The following INPP5F variants were observed in gnomAD, a reference collection of about 807,000 sequenced individuals.
INPP5F encodes phosphatidylinositide 4-phosphatase SAC2.
In INPP5F, 97 loss-of-function variants were observed where a neutral mutation model predicts 137.2. That is an observed-to-expected ratio of 0.71 (90% confidence interval 0.60 to 0.84). The LOEUF is 0.84. INPP5F is among the 40% of genes least tolerant of loss of function. INPP5F has a pLI of 0.00. For missense variants in INPP5F, 1,271 were observed against 1,371.9 expected (o/e 0.93, Z 1.16); for synonymous variants, 504 against 476.9 (o/e 1.06, Z -0.74).
intron 1 of INPP5F, among the ~76,000 whole-genome samples, chr10:119,740,404 A>G (rs1848339081): frequency 6.6e-6 from 1 of 152,234 alleles, no homozygotes; most frequent in Admixed American, 6.5e-5. Flanking sequence ...ATTCTGAGAA[A>G]ATAGAATTCT....
chr10:119,778,155 C>T (rs1589704166), intron 2 of INPP5F, among the ~76,000 whole-genome samples: 1 of 151,992 alleles, frequency 6.6e-6, no homozygotes, highest in Non-Finnish European at 1.5e-5. Flanking sequence ...TACATACGTG[C>T]ACCACCATGC....
chr10:119,738,275 T>A (rs541857874), intron 1 of INPP5F, among the ~76,000 whole-genome samples: 36 of 152,366 alleles, frequency 2.4e-4, no homozygotes, highest in African/African-American at 8.2e-4. Flanking sequence ...ACTCTTTTCC[T>A]TATAGATAAC....
rs1851774800 is a variant in INPP5F, at chr10:119,826,737, CAA to C, written c.2360_2361del (p.Lys787SerfsTer23). On this transcript the variant is annotated frameshift_variant, in exon 20 of 20. Transcript: ENST00000650623. LOFTEE classifies it high-confidence loss of function. Reference sequence around the variant, plus strand: ...AATGAGCAAATTTTCATCTCTAAATCAAAAAGTGAAGCAGACCAAATCCAATG... The same window carrying C: ...AATGAGCAAATTTTCATCTCTAAATCAAAGTGAAGCAGACCAAATCCAATG... Reference protein sequence around the residue: ...FLMSKFSSLNQKVKQTKSNVN... With the variant: ...FLMSKFSSLNXKVKQTKSNVN... 6.2e-7 allele frequency: 1 copy of C among 1,613,340 alleles called. No individual in the cohort carries two copies. The highest frequency in any genetic ancestry group is 8.5e-7 in the Non-Finnish European group (1 of 1,179,750).
chr10:119,781,597 T>A, intron 2 of INPP5F, 38 bp from the exon 3 acceptor site: 1 of 1,566,914 alleles, frequency 6.4e-7, no homozygotes, highest in African/African-American at 1.4e-5. Flanking sequence ...AGTAGCACTC[T>A]AAAAACGCCA....
At chr10:119,793,610 T>G (rs1564834317) in intron 6 of INPP5F, 2 of 152,266 alleles carry the variant, frequency 1.3e-5, no homozygotes, top group Admixed American at 6.5e-5. Context: ...GAAATCTGTC[T>G]TCTTAGTCTG....
intron 3 of INPP5F, among the ~76,000 whole-genome samples, chr10:119,783,830 T>A (rs1292521565): frequency 1.3e-5 from 2 of 152,228 alleles, no homozygotes; most frequent in African/African-American, 4.8e-5. Flanking sequence ...TAAACTACCG[T>A]ACTTCTCAGG....
intron 2 of INPP5F, among the ~76,000 whole-genome samples, chr10:119,763,679 C>T (rs957509610): frequency 2.6e-5 from 4 of 152,208 alleles, no homozygotes; most frequent in African/African-American, 4.8e-5. Context: ...TTCCCCTGAA[C>T]GGGCCTTTTT....
At chr10:119,726,476 G>T (rs993550980) in intron 1 of INPP5F, 117 bp downstream of exon 1, 5 of 444,914 alleles carry the variant, frequency 1.1e-5, no homozygotes, top group Non-Finnish European at 3.4e-6. Flanking sequence ...GAGGCGGGGC[G>T]GGGCGGGCTG....
intron 2 of INPP5F, among the ~76,000 whole-genome samples, chr10:119,770,336 T>C (rs1184758922): frequency 2.6e-5 from 4 of 152,244 alleles, no homozygotes; most frequent in Admixed American, 2.6e-4. Flanking sequence ...TAGCTTTAAT[T>C]GAACCAAGTT....
Position 119,827,592 on chromosome 10 carries a change from T to C in INPP5F, c.3211T>C (p.Phe1071Leu), listed in dbSNP as rs1219554514. Residue 1071 changes from phenylalanine to leucine, a missense_variant, in exon 20 of 20, where the codon TTT becomes CTT. This residue lies in a region of INPP5F where 490 missense variants were observed against 443.7 expected (regional missense o/e 1.10). Coordinates refer to ENST00000650623, the MANE Select transcript of INPP5F (RefSeq NM_014937.4). ...CAGTAGCAGCAGAGCAGTCTCTCCC[T>C]TTGCCAAGATTCGAAGTTCCATGGT... ...ESSSSRAVSPFAKIRSSMVQV... is the reference protein window; with the variant it reads ...ESSSSRAVSPLAKIRSSMVQV... 1 of 1,614,020 alleles carries C rather than the reference T, an allele frequency of 6.2e-7. No homozygotes were observed. The highest frequency in any genetic ancestry group is 1.7e-5 in the Admixed American group (1 of 60,002).
chr10:119,795,984 A>G (rs1278340887), intron 6 of INPP5F, among the ~76,000 whole-genome samples: 1 of 147,556 alleles, frequency 6.8e-6, no homozygotes, highest in South Asian at 2.3e-4. Flanking sequence ...AGGCTGAGGC[A>G]GGAGAATCAG....
At chr10:119,808,478 G>A (rs554375645) in intron 13 of INPP5F, among the ~76,000 whole-genome samples, 1 of 152,180 alleles carries the variant, frequency 6.6e-6, no homozygotes, top group Non-Finnish European at 1.5e-5. Flanking sequence ...GTGACCTTGG[G>A]CAAGTCACTT....
rs1429330910 is a variant in INPP5F at position 119,771,865 on chromosome 10, TATATATATATATATATA to T, written c.179-9769_179-9753del. 8.2e-3 allele frequency among the ~76,000 whole-genome samples: 109 copies of T among 13,288 alleles called. 3 individuals carry two copies. Among genetic ancestry groups the T allele is most frequent in the African/African-American group, 0.023 (94 of 4,108 alleles). 8.7% of individuals were successfully genotyped at this position (13,288 alleles called of 152,430 possible). Reference sequence around the variant, plus strand: ...ATGGAGATATATATATATATATATATATATATATATATATATATTTTTTTTTTTTTTTTTTTTTTTTT... The same window carrying T: ...ATGGAGATATATATATATATATATATTTTTTTTTTTTTTTTTTTTTTTTTT... On this transcript the variant is annotated intron_variant, in intron 2 of 19. Coordinates refer to ENST00000650623, the MANE Select transcript of INPP5F (RefSeq NM_014937.4).
chr10:119,810,630 T>C (rs1850994074), intron 14 of INPP5F, among the ~76,000 whole-genome samples: 1 of 152,242 alleles, frequency 6.6e-6, no homozygotes, highest in African/African-American at 2.4e-5. Context: ...TGGACAAATA[T>C]ACCAGCCTTT....
rs192449619 is a variant in INPP5F at position 119,766,456 on chromosome 10, G to A, written c.179-15179G>A. Among the ~76,000 whole-genome samples, 13 of 152,262 alleles carry A rather than the reference G, an allele frequency of 8.5e-5. No homozygotes were observed. The East Asian group carries it at 2.5e-3, about 29-fold the overall frequency. On this transcript the variant is annotated intron_variant, in intron 2 of 19. Coordinates refer to ENST00000650623, the MANE Select transcript of INPP5F (RefSeq NM_014937.4). ...TCTGTTTCTGACAACAGCAGTATTTGATGAGATAATGGCCAAGAATTTTCT... is the reference window on the plus strand; with the variant it reads ...TCTGTTTCTGACAACAGCAGTATTTAATGAGATAATGGCCAAGAATTTTCT...
At chr10:119,788,928 A>G (rs1564830880) in intron 3 of INPP5F, among the ~76,000 whole-genome samples, 2 of 152,282 alleles carry the variant, frequency 1.3e-5, no homozygotes, top group South Asian at 4.1e-4. Context: ...GAGTGCTCTT[A>G]AAGAATGATT....
rs1564819779 is a variant in INPP5F, at chr10:119,771,869, TA to T, written c.179-9765del. On this transcript the variant is annotated intron_variant, in intron 2 of 19. Coordinates refer to ENST00000650623, the MANE Select transcript of INPP5F (RefSeq NM_014937.4). The stretch of plus-strand genomic sequence containing the variant: ...AGATATATATATATATATATATATA[TA>T]TATATATATATATTTTTTTTTTTTT... Among the ~76,000 whole-genome samples the T allele has an allele frequency of 1.4e-3, 22 of 15,502 alleles. 1 individual carries two copies. The highest frequency in any genetic ancestry group is 2.2e-3 in the Non-Finnish European group (15 of 6,728). 10.2% of individuals were successfully genotyped at this position (15,502 alleles called of 152,430 possible). A position where few individuals can be genotyped will look rare whatever the true frequency, so the allele number is the denominator to read the frequency against.
At chr10:119,789,525 G>A (rs1850058788) in intron 3 of INPP5F, among the ~76,000 whole-genome samples, 1 of 152,066 alleles carries the variant, frequency 6.6e-6, no homozygotes, top group Non-Finnish European at 1.5e-5. Context: ...GGGAGAAGGG[G>A]AGTGATGGTC....
intron 1 of INPP5F, among the ~76,000 whole-genome samples, chr10:119,729,180 C>G (rs979469385): frequency 6.6e-6 from 1 of 152,116 alleles, no homozygotes; most frequent in East Asian, 1.9e-4. Flanking sequence ...GAGTCTTGCT[C>G]TGTTGCCCAG....
Sources: allele counts gnomAD v4.1 joint callset (sites outside exome capture counted in the v4.1 genomes callset), GRCh38; gene constraint gnomAD v4.1.1; regional missense constraint gnomAD v4.1.1; transcripts MANE v1.5; gene names NCBI Gene and HGNC (gene_info 2026-07-23, HGNC 2026-07-21).